KCND2: variants seen among roughly 807,000 people sequenced by gnomAD.
KCND2 encodes potassium voltage-gated channel subfamily D member 2.
In KCND2, 16 loss-of-function variants were observed where a neutral mutation model predicts 54.4. That is an observed-to-expected ratio of 0.29 (90% CI 0.20 to 0.45). The LOEUF is 0.45. Among genes scored for constraint, KCND2 ranks in the 20% least tolerant of loss-of-function variants. The probability of loss-of-function intolerance (pLI) is 1.00; values close to 1 mark genes in which losing one functional copy is unlikely to be tolerated. For missense variants in KCND2, 486 were observed against 824.2 expected (o/e 0.59, Z 5.02); for synonymous variants, 317 against 310.7 (o/e 1.02, Z -0.21).
intron 1 of KCND2, among the ~76,000 whole-genome samples, chr7:120,365,179 G>C (rs1018812136): frequency 7.2e-6 from 1 of 138,714 alleles, no homozygotes; most frequent in Non-Finnish European, 1.6e-5. Context: ...GGAGCAAAGA[G>C]AGGAAGGAAG....
chr7:120,279,457 C>T (rs1057283348), intron 1 of KCND2, among the ~76,000 whole-genome samples: 24 of 151,690 alleles, frequency 1.6e-4, no homozygotes, highest in African/African-American at 5.1e-4. Context: ...TCAAAGTGTT[C>T]AATATGGGAA....
At chr7:120,514,902 G>T (rs532081094) in intron 1 of KCND2, among the ~76,000 whole-genome samples, 31 of 152,050 alleles carry the variant, frequency 2.0e-4, no homozygotes, top group African/African-American at 7.0e-4. Context: ...CAAGGATTGG[G>T]GACCCCTGTT....
intron 1 of KCND2, among the ~76,000 whole-genome samples, chr7:120,481,160 A>G (rs934076227): frequency 6.6e-6 from 1 of 152,196 alleles, no homozygotes; most frequent in African/African-American, 2.4e-5. Context: ...AGTAAAAGCT[A>G]TCCTTGTTGT....
At position 120,750,043 on chromosome 7, in the gene KCND2, T is replaced by G. The variant is rs1793052981; in HGVS notation, c.*2185T>G. The G allele has an allele frequency of 6.6e-6, 1 of 152,002 alleles. No homozygotes were observed. The highest frequency in any genetic ancestry group is 2.1e-4 in the South Asian group (1 of 4,826). The allele number at this position is 152,002 out of a possible 1,614,324, so 9.4% of individuals were successfully genotyped here. A position where few individuals can be genotyped will look rare whatever the true frequency, so the allele number is the denominator to read the frequency against. ...TATCACTTACCCAAAATTATTAATTTTATTAGGCTTTTGGAAAAGAAAAAA... is the reference window on the plus strand; with the variant it reads ...TATCACTTACCCAAAATTATTAATTGTATTAGGCTTTTGGAAAAGAAAAAA... On this transcript the variant is annotated 3_prime_UTR_variant, in exon 6 of 6. Coordinates refer to ENST00000331113, the MANE Select transcript of KCND2 (RefSeq NM_012281.3).
chr7:120,587,540 T>C (rs1792615197), intron 1 of KCND2, among the ~76,000 whole-genome samples: 6 of 152,084 alleles, frequency 3.9e-5, no homozygotes, highest in Admixed American at 3.3e-4. Flanking sequence ...ATTTTTTTTT[T>C]CCAGACGAAT....
intron 1 of KCND2, among the ~76,000 whole-genome samples, chr7:120,288,590 A>G (rs1436631764): frequency 1.3e-5 from 2 of 152,112 alleles, no homozygotes; most frequent in Non-Finnish European, 2.9e-5. Context: ...TTCTTTCTTG[A>G]TAGATATATG....
intron 1 of KCND2, among the ~76,000 whole-genome samples, chr7:120,564,358 A>G (rs559653438): frequency 1.5e-3 from 231 of 152,284 alleles, no homozygotes; most frequent in African/African-American, 5.3e-3. Context: ...TTGACAGTCC[A>G]TCAGTCAAAG....
intron 1 of KCND2, among the ~76,000 whole-genome samples, chr7:120,622,681 ACACACACACTCTCTCT>A (rs1264152918): frequency 2.1e-5 from 3 of 139,606 alleles, no homozygotes. Flanking sequence ...ACACACACAC[ACACACACACTCTCTCT>A]CTCTCTCTCT....
chr7:120,630,005 G>T (rs1011835363), intron 1 of KCND2, among the ~76,000 whole-genome samples: 1 of 152,108 alleles, frequency 6.6e-6, no homozygotes, highest in Admixed American at 6.5e-5. Context: ...TTATTAACCG[G>T]GGAGTCAATG....
At chr7:120,448,093 A>T (rs1344524101) in intron 1 of KCND2, among the ~76,000 whole-genome samples, 1 of 152,148 alleles carries the variant, frequency 6.6e-6, no homozygotes, top group African/African-American at 2.4e-5. Context: ...GGTTGGTTAC[A>T]TGTGTATACA....
chr7:120,589,736 A>T (rs542181859), intron 1 of KCND2, among the ~76,000 whole-genome samples: 15 of 152,308 alleles, frequency 9.8e-5, no homozygotes, highest in Admixed American at 2.6e-4. Flanking sequence ...TTCTATATGA[A>T]TTCTATGAAT....
intron 1 of KCND2, among the ~76,000 whole-genome samples, chr7:120,332,197 G>C (rs1800079510): frequency 6.6e-6 from 1 of 151,942 alleles, no homozygotes. Context: ...AACAGCTCTT[G>C]AATTCTTCTT....
intron 1 of KCND2, among the ~76,000 whole-genome samples, chr7:120,452,032 G>C (rs898549694): frequency 6.6e-6 from 1 of 152,188 alleles, no homozygotes; most frequent in East Asian, 1.9e-4. Context: ...TTTTAAATTT[G>C]ATCACTTTCT....
At chr7:120,511,079 C>T (rs1803107629) in intron 1 of KCND2, among the ~76,000 whole-genome samples, 1 of 151,438 alleles carries the variant, frequency 6.6e-6, no homozygotes, top group Admixed American at 6.6e-5. Flanking sequence ...ACTACTGACT[C>T]CTTACCAGCC....
chr7:120,418,608 G>A (rs1231417850), intron 1 of KCND2, among the ~76,000 whole-genome samples: 2 of 152,090 alleles, frequency 1.3e-5, no homozygotes, highest in African/African-American at 4.8e-5. Flanking sequence ...TTCTGGGTGG[G>A]GACCCTGGCA....
intron 1 of KCND2, among the ~76,000 whole-genome samples, chr7:120,309,189 CT>C (rs1369393278): frequency 6.6e-6 from 1 of 151,942 alleles, no homozygotes; most frequent in Non-Finnish European, 1.5e-5. Flanking sequence ...AGAGCTAGAC[CT>C]TGCGATCCCA....
At chr7:120,435,541 G>A (rs1351465130) in intron 1 of KCND2, among the ~76,000 whole-genome samples, 2 of 151,702 alleles carry the variant, frequency 1.3e-5, no homozygotes, top group Non-Finnish European at 2.9e-5. Context: ...CATTTTCTAA[G>A]GGAAACAGTA....
chr7:120,506,435 A>G (rs1221745395), intron 1 of KCND2, among the ~76,000 whole-genome samples: 1 of 151,820 alleles, frequency 6.6e-6, no homozygotes, highest in Non-Finnish European at 1.5e-5. Flanking sequence ...AGATACTTTC[A>G]TGGTTTTGTG....
intron 1 of KCND2, among the ~76,000 whole-genome samples, chr7:120,718,637 G>T (rs889029498): frequency 6.6e-6 from 1 of 152,062 alleles, no homozygotes; most frequent in African/African-American, 2.4e-5. Context: ...CCAAAAGAGT[G>T]CTCTAAATGG....
Sources: allele counts gnomAD v4.1 joint callset (sites outside exome capture counted in the v4.1 genomes callset), GRCh38; gene constraint gnomAD v4.1.1; transcripts MANE v1.5; gene names NCBI Gene and HGNC (gene_info 2026-07-23, HGNC 2026-07-21).